Variants in CHST9 observed in about 807,000 individuals in gnomAD.
The protein encoded by CHST9 is GalNAc-4-sulfotransferase 2.
CHST9 carries 41 observed loss-of-function variants against 44.4 expected under a neutral mutation model. The ratio of observed to expected loss-of-function variants is 0.92; its 90% CI spans 0.72 to 1.20. CHST9 has a LOEUF of 1.20. CHST9 is among the 50% of genes most tolerant of loss of function. CHST9 has a pLI of 0.00. For synonymous variants in CHST9, 171 were observed against 178.4 expected, an observed-to-expected ratio of 0.96 and a Z score of 0.33; for missense variants, 504 against 516.5, an observed-to-expected ratio of 0.98 and a Z score of 0.23.
intron 2 of CHST9, among the ~76,000 whole-genome samples, chr18:27,091,127 G>T (rs1340857760): frequency 6.6e-6 from 1 of 152,168 alleles, no homozygotes; most frequent in Non-Finnish European, 1.5e-5. Flanking sequence ...TCATTGAGCA[G>T]TGGTTTGTAG....
chr18:27,141,472 A>G (rs2058564999), intron 2 of CHST9, among the ~76,000 whole-genome samples: 1 of 148,504 alleles, frequency 6.7e-6, no homozygotes, highest in Non-Finnish European at 1.5e-5. Flanking sequence ...GTGCCTGTAG[A>G]CCCAGCTACT....
rs1036676069 is a variant in CHST9, at chr18:26,912,399, A to G, written c.*3860T>C. On this transcript the variant is annotated 3_prime_UTR_variant, in exon 6 of 6. Transcript: ENST00000618847. ...TACACACACACACACACACACACAC[A>G]CACACACACACACAGACACCCATAT... 1 of 151,930 alleles carries G rather than the reference A, an allele frequency of 6.6e-6. No homozygotes were observed. The highest frequency in any genetic ancestry group is 2.4e-5 in the African/African-American group (1 of 41,154). 9.4% of individuals were successfully genotyped at this position (151,930 alleles called of 1,614,324 possible).
chr18:27,015,086 G>A (rs2057135512), intron 4 of CHST9, among the ~76,000 whole-genome samples: 1 of 152,058 alleles, frequency 6.6e-6, no homozygotes, highest in East Asian at 1.9e-4. Flanking sequence ...CTAGGTTTTA[G>A]TTATGGTCAT....
At chr18:26,953,458 G>T (rs576997509) in intron 4 of CHST9, among the ~76,000 whole-genome samples, 9 of 152,096 alleles carry the variant, frequency 5.9e-5, no homozygotes, top group Admixed American at 1.3e-4. Context: ...CATTAAACTG[G>T]TAAATAAATT....
intron 2 of CHST9, among the ~76,000 whole-genome samples, chr18:27,135,156 G>C (rs2058503170): frequency 6.6e-6 from 1 of 152,054 alleles, no homozygotes; most frequent in Admixed American, 6.6e-5. Flanking sequence ...TACCATAAGT[G>C]TATACAATTT....
At chr18:27,037,183 T>C (rs1030443551) in intron 3 of CHST9, among the ~76,000 whole-genome samples, 12 of 152,206 alleles carry the variant, frequency 7.9e-5, no homozygotes, top group Non-Finnish European at 1.5e-4. Context: ...TACATTTTTT[T>C]CCAGCAATAT....
At chr18:26,918,072 T>C (rs1353405057) in intron 5 of CHST9, among the ~76,000 whole-genome samples, 1 of 152,094 alleles carries the variant, frequency 6.6e-6, no homozygotes, top group Admixed American at 6.6e-5. Context: ...AGAGCAAAAA[T>C]GTAGTTATCT....
At chr18:27,119,960 A>G (rs1216803422) in intron 2 of CHST9, among the ~76,000 whole-genome samples, 1 of 152,174 alleles carries the variant, frequency 6.6e-6, no homozygotes, top group Non-Finnish European at 1.5e-5. Context: ...AAGTAAATTA[A>G]TGATTGCAAA....
chr18:27,075,389 G>C (rs1265269676), intron 2 of CHST9, among the ~76,000 whole-genome samples: 1 of 152,074 alleles, frequency 6.6e-6, no homozygotes, highest in African/African-American at 2.4e-5. Context: ...TTTTCAGATA[G>C]ATACCAAAGA....
chr18:27,129,519 T>G (rs1393610473), intron 2 of CHST9, among the ~76,000 whole-genome samples: 7 of 152,030 alleles, frequency 4.6e-5, no homozygotes. Flanking sequence ...CAGTCACCCA[T>G]GTAGATGGGA....
At chr18:27,079,601 A>C (rs1447614174) in intron 2 of CHST9, among the ~76,000 whole-genome samples, 1 of 152,230 alleles carries the variant, frequency 6.6e-6, no homozygotes, top group Non-Finnish European at 1.5e-5. Flanking sequence ...TCACAAACCT[A>C]TAAAACATTT....
At chr18:27,130,611 C>A (rs1304001808) in intron 2 of CHST9, among the ~76,000 whole-genome samples, 2 of 152,164 alleles carry the variant, frequency 1.3e-5, no homozygotes, top group Non-Finnish European at 2.9e-5. Flanking sequence ...CCCCTTATAG[C>A]AGCTTTCAAA....
chr18:27,046,250 G>A (rs1350202306), intron 3 of CHST9, among the ~76,000 whole-genome samples: 1 of 151,968 alleles, frequency 6.6e-6, no homozygotes, highest in Non-Finnish European at 1.5e-5. Context: ...TTACTTCTGT[G>A]TAGCTTTCAT....
intron 5 of CHST9, chr18:26,928,437 AAGAGCATT>A (rs71169894): frequency 0.43 from 64,971 of 151,828 alleles, 14,324 homozygotes; most frequent in East Asian, 0.7. Context: ...TCAAAGTATG[AAGAGCATT>A]AGCTTTTGCG....
At chr18:27,166,235 C>T (rs568888334) in intron 1 of CHST9, among the ~76,000 whole-genome samples, 42 of 152,240 alleles carry the variant, frequency 2.8e-4, no homozygotes, top group African/African-American at 9.9e-4. Flanking sequence ...TAGACATTTT[C>T]ATTTGTATAT....
At position 27,091,423 on chromosome 18, in the gene CHST9, C is replaced by T. The variant is rs986783376; in HGVS notation, c.122-42920G>A. Reference sequence around the variant, plus strand: ...CAATTTGACTTCCCGATTTCCTAATCGAATACCCTTTATTTCTTCCTCTTG... The same window carrying T: ...CAATTTGACTTCCCGATTTCCTAATTGAATACCCTTTATTTCTTCCTCTTG... On this transcript the variant is annotated intron_variant, in intron 2 of 5. Coordinates refer to ENST00000618847, the MANE Select transcript of CHST9 (RefSeq NM_031422.6). 8.5e-5 allele frequency among the ~76,000 whole-genome samples: 13 copies of T among 152,184 alleles called. No individual in the cohort carries two copies. The East Asian group carries it at 1.2e-3, about 14-fold the overall frequency.
intron 2 of CHST9, among the ~76,000 whole-genome samples, chr18:27,110,618 A>G (rs2058262921): frequency 6.6e-6 from 1 of 152,200 alleles, no homozygotes; most frequent in African/African-American, 2.4e-5. Context: ...GAAACACACT[A>G]CCTAGAGGGA....
At chr18:27,107,780 C>T (rs903693251) in intron 2 of CHST9, among the ~76,000 whole-genome samples, 11 of 152,116 alleles carry the variant, frequency 7.2e-5, no homozygotes, top group African/African-American at 2.7e-4. Context: ...TTGATAAATA[C>T]CTATCTCCAG....
At chr18:27,082,435 T>C (rs1039535228) in intron 2 of CHST9, among the ~76,000 whole-genome samples, 15 of 152,214 alleles carry the variant, frequency 9.9e-5, no homozygotes, top group Admixed American at 9.2e-4. Flanking sequence ...CTCCTTATAA[T>C]GCTGTGTCCC....
Sources: gnomAD v4.1 joint callset for allele counts (sites outside exome capture counted in the v4.1 genomes callset) on GRCh38, gnomAD v4.1.1 for gene constraint, MANE v1.5 for transcripts, NCBI Gene and HGNC (gene_info 2026-07-23, HGNC 2026-07-21) for gene names.